Variants in MSX1 observed in about 807,000 individuals in gnomAD.
The protein encoded by MSX1 is msh homeobox 1, also known as homeobox protein MSX-1.
MSX1 carries 11 observed loss-of-function variants against 17.0 expected under a neutral mutation model. The observed-to-expected ratio is 0.65, with a 90% CI of 0.41 to 1.07. The LOEUF is 1.07. MSX1 is among the 50% of genes least tolerant of loss of function. The pLI, the probability that MSX1 is intolerant of heterozygous loss-of-function variation, is 0.00. For missense variants in MSX1, 477 were observed against 440.1 expected, an observed-to-expected ratio of 1.08 and a Z score of -0.75; for synonymous variants, 253 against 211.8, an observed-to-expected ratio of 1.19 and a Z score of -1.69.
chr4:4,861,985 G>C (rs1300730215), intron 1 of MSX1, among the ~76,000 whole-genome samples: 5 of 152,064 alleles, frequency 3.3e-5, no homozygotes, highest in Non-Finnish European at 1.5e-5. Flanking sequence ...AGAGGACTGA[G>C]ACAATCTAAA....
chr4:4,860,409 TGGGGGCCG>T (rs1560309653), intron 1 of MSX1, 41 bp downstream of exon 1: 2 of 144,674 alleles, frequency 1.4e-5, no homozygotes, highest in Non-Finnish European at 1.7e-5. Context: ...GGGGGCCGGG[TGGGGGCCG>T]GGTGGGGTGT....
chr4:4,862,053 G>A (rs1218263203), intron 1 of MSX1, among the ~76,000 whole-genome samples: 1 of 152,206 alleles, frequency 6.6e-6, no homozygotes, highest in Admixed American at 6.5e-5. Flanking sequence ...GACACTTTCT[G>A]TTTCTAAGAG....
At position 4,863,074 on chromosome 4, in the gene MSX1, C is replaced by A. The variant is rs371411459; in HGVS notation, c.843C>A (p.Ala281=). The A allele has an allele frequency of 1.2e-6, 2 of 1,608,292 alleles. No homozygotes were observed. The highest frequency in any genetic ancestry group is 2.7e-5 in the African/African-American group (2 of 74,710). Residue 281 remains alanine, a synonymous_variant, in exon 2 of 2, where the codon GCC becomes GCA. Coordinates refer to ENST00000382723, the MANE Select transcript of MSX1 (RefSeq NM_002448.3). ...LYGASGPFQR[A]ALPVAPVGLY... ...GTGCCTCTGGCCCCTTCCAGCGCGCCGCGCTGCCTGTGGCGCCCGTGGGAC... is the reference window on the plus strand; with the variant it reads ...GTGCCTCTGGCCCCTTCCAGCGCGCAGCGCTGCCTGTGGCGCCCGTGGGAC...
rs760914206 is a variant in MSX1 at position 4,862,806 on chromosome 4, G to A, written c.575G>A (p.Arg192His). 3 of 1,613,646 alleles carry A rather than the reference G, an allele frequency of 1.9e-6. No homozygotes were observed. Among genetic ancestry groups the A allele is most frequent in the South Asian group, 1.1e-5 (1 of 91,086 alleles). Residue 192 changes from arginine to histidine, a missense_variant, in exon 2 of 2, where the codon CGC becomes CAC. Arg to His is a conservative substitution (Grantham distance 29). Coordinates refer to ENST00000382723, the MANE Select transcript of MSX1 (RefSeq NM_002448.3). ...CTGCTGGCGCTGGAGCGCAAGTTCC[G>A]CCAGAAGCAGTACCTGTCCATCGCC... is the stretch of plus-strand genomic sequence containing the variant. ...AQLLALERKF[R>H]QKQYLSIAER...
Position 4,862,770 on chromosome 4 carries a change from C to G in MSX1, c.539C>G (p.Thr180Ser). 6.2e-7 allele frequency: 1 copy of G among 1,613,574 alleles called. No individual in the cohort carries two copies. Among genetic ancestry groups the G allele is most frequent in the Non-Finnish European group, 8.5e-7 (1 of 1,180,018 alleles). Reference sequence around the variant, plus strand: ...AACCGTAAGCCGCGGACGCCCTTCACCACCGCGCAGCTGCTGGCGCTGGAG... The same window carrying G: ...AACCGTAAGCCGCGGACGCCCTTCAGCACCGCGCAGCTGCTGGCGCTGGAG... The part of the protein sequence containing the change: ...KTNRKPRTPF[T>S]TAQLLALERK... The change falls in exon 2 of 2, where the codon ACC becomes AGC. Residue 180 changes from threonine (T) to serine (S), a missense_variant. This residue lies in a region of MSX1 where 355 missense variants were observed against 306.1 expected (regional missense o/e 1.16). Transcript: ENST00000382723.
chr4:4,862,718 G>T lies in MSX1; in HGVS notation c.487G>T (p.Ala163Ser), dbSNP rs528951725. The T allele has an allele frequency of 1.9e-6, 3 of 1,612,932 alleles. No individual in the cohort carries two copies. The highest frequency in any genetic ancestry group is 2.2e-5 in the South Asian group (2 of 91,082). The change falls in exon 2 of 2, where the codon GCC becomes TCC. Residue 163 changes from alanine (A) to serine (S), a missense_variant. Around this residue, in one of 3 missense-constraint regions of MSX1, gnomAD observed 355 missense variants for 306.1 expected, o/e 1.16. Transcript: ENST00000382723. ...PPPARRLSPPACTLRKHKTNR... is the reference protein window; with the variant it reads ...PPPARRLSPPSCTLRKHKTNR... ...GCCCTCAGGGCGGCTGAGCCCCCCA[G>T]CCTGCACCCTCCGCAAACACAAGAC...
Position 4,863,295 on chromosome 4 carries a change from C to T in MSX1, c.*152C>T. 1 of 824,760 alleles carries T rather than the reference C, an allele frequency of 1.2e-6. No individual in the cohort carries two copies. The highest frequency in any genetic ancestry group is 1.9e-6 in the Non-Finnish European group (1 of 523,138). The allele number at this position is 824,760 out of a possible 1,614,324, so 51.1% of individuals were successfully genotyped here. ...CCTCTTTGCTCCCTGAGTTCACTCT[C>T]CGAAGTCTGATCCCTGCCAAAAAGT... is the stretch of plus-strand genomic sequence containing the variant. On this transcript the variant is annotated 3_prime_UTR_variant, in exon 2 of 2. Coordinates refer to ENST00000382723, the MANE Select transcript of MSX1 (RefSeq NM_002448.3).
rs184700656 is a variant in MSX1, at chr4:4,863,048, G to C, written c.817G>C (p.Gly273Arg). 20 of 1,609,376 alleles carry C rather than the reference G, an allele frequency of 1.2e-5. No homozygotes were observed. Among genetic ancestry groups the C allele is most frequent in the Non-Finnish European group, 1.6e-5 (19 of 1,178,676 alleles). ...VAAAAGASLY[G>R]ASGPFQRAAL... ...GGCCGCGGCGGGTGCCTCGCTCTAC[G>C]GTGCCTCTGGCCCCTTCCAGCGCGC... Residue 273 changes from glycine to arginine, a missense_variant, in exon 2 of 2, where the codon GGT becomes CGT. Coordinates refer to ENST00000382723, the MANE Select transcript of MSX1 (RefSeq NM_002448.3).
In MSX1 at chr4:4,860,038, GAGGAGGGGGCCAAGCCCA is replaced by G. The variant is rs1737871023; in HGVS notation, c.141_158del (p.Glu48_Lys53del). On this transcript the variant is annotated inframe_deletion, in exon 1 of 2. Coordinates refer to ENST00000382723, the MANE Select transcript of MSX1 (RefSeq NM_002448.3). The stretch of plus-strand genomic sequence containing the variant: ...CACGGCAGCCGCCATGGGCGCGGAC[GAGGAGGGGGCCAAGCCCA>G]AAGTGTCCCCTTCGCTCCTGCCCTT... 6.6e-7 allele frequency: 1 copy of G among 1,509,706 alleles called. No homozygotes were observed. Among genetic ancestry groups the G allele is most frequent in the African/African-American group, 1.5e-5 (1 of 68,908 alleles). The allele number at this position is 1,509,706 out of a possible 1,614,324, so 93.5% of individuals were successfully genotyped here.
chr4:4,863,143 G>A lies in MSX1; in HGVS notation c.912G>A (p.Ter304=), dbSNP rs1040895372. 2.1e-5 allele frequency: 33 copies of A among 1,599,080 alleles called. No homozygotes were observed. The highest frequency in any genetic ancestry group is 2.7e-5 in the Non-Finnish European group (32 of 1,177,882). Residue 304 remains the stop codon, a stop_retained_variant, in exon 2 of 2, where the codon TAG becomes TAA. Transcript: ENST00000382723. The stretch of plus-strand genomic sequence containing the variant: ...GCTACAGCATGTACCACCTGACATA[G>A]AGGGTCCCAGGTCGCCCACCTGTGG... ...HVGYSMYHLT[*]
Position 4,860,023 on chromosome 4 carries a change from G to T in MSX1, c.124G>T (p.Ala42Ser). Reference protein sequence around the residue: ...APSAAAATAAAMGADEEGAKP... With the variant: ...APSAAAATAASMGADEEGAKP... ...CAGCGCCGCCGCGGCCACGGCAGCC[G>T]CCATGGGCGCGGACGAGGAGGGGGC... The change falls in exon 1 of 2, where the codon GCC (alanine) becomes TCC (serine). Residue 42 changes from alanine to serine, a missense_variant. By Grantham distance (99) the Ala-to-Ser change is moderately conservative. Transcript: ENST00000382723. 1.3e-6 allele frequency: 2 copies of T among 1,503,766 alleles called. No individual in the cohort carries two copies. Among genetic ancestry groups the T allele is most frequent in the Non-Finnish European group, 1.8e-6 (2 of 1,127,246 alleles). 93.2% of individuals were successfully genotyped at this position (1,503,766 alleles called of 1,614,324 possible).
intron 1 of MSX1, 117 bp downstream of exon 1, chr4:4,860,485 G>A: frequency 7.5e-7 from 1 of 1,328,932 alleles, no homozygotes; most frequent in Non-Finnish European, 1.0e-6. Context: ...CGGTGCTAGG[G>A]AGCCGTGGGC....
rs1560309150 is a variant in MSX1 at position 4,859,777 on chromosome 4, G to C, written c.-123G>C. 1.1e-5 allele frequency: 8 copies of C among 718,584 alleles called. No homozygotes were observed. Among genetic ancestry groups the C allele is most frequent in the Non-Finnish European group, 1.5e-5 (8 of 543,352 alleles). The allele number at this position is 718,584 out of a possible 1,614,324, so 44.5% of individuals were successfully genotyped here. On this transcript the variant is annotated 5_prime_UTR_variant, in exon 1 of 2. Transcript: ENST00000382723. ...TGCTGGGGAGGGGCGGGAGGCGCGC[G>C]CGGGAGGGTCCGCCCGGCCAGGGCC... is the stretch of plus-strand genomic sequence containing the variant.
intron 1 of MSX1, among the ~76,000 whole-genome samples, chr4:4,861,745 A>T (rs1032612374): frequency 3.3e-5 from 5 of 152,218 alleles, no homozygotes; most frequent in African/African-American, 1.2e-4. Flanking sequence ...CCCGACCTGC[A>T]CTAGTCCTGC....
Position 4,862,987 on chromosome 4 carries a change from C to CCT in MSX1, c.760_761dup (p.Phe255ProfsTer10). 6.2e-7 allele frequency: 1 copy of CCT among 1,612,736 alleles called. No individual in the cohort carries two copies. The highest frequency in any genetic ancestry group is 8.5e-7 in the Non-Finnish European group (1 of 1,179,880). ...CCATGCTGCCACCGGCTGCCTTCGG[C>CCT]CTCTCCTTCCCTCTCGGCGGCCCCG... is the stretch of plus-strand genomic sequence containing the variant. On this transcript the variant is annotated frameshift_variant, in exon 2 of 2. Transcript: ENST00000382723. LOFTEE classifies it high-confidence loss of function.
intron 1 of MSX1, 113 bp from the exon 2 acceptor site, chr4:4,862,588 C>T: frequency 7.8e-7 from 1 of 1,287,414 alleles, no homozygotes. Context: ...CACCGAGGCA[C>T]TTGGCGGCAC....
Position 4,860,240 on chromosome 4 carries a change from C to A in MSX1, c.341C>A (p.Pro114Gln), listed in dbSNP as rs1737880987. 11 of 1,581,780 alleles carry A rather than the reference C, an allele frequency of 7.0e-6. No homozygotes were observed. The highest frequency in any genetic ancestry group is 8.5e-6 in the Non-Finnish European group (10 of 1,172,150). ...GAPDAPSSPRPLGHFSVGGLL... is the reference protein window; with the variant it reads ...GAPDAPSSPRQLGHFSVGGLL... ...CCGGACGCGCCCTCTTCGCCGCGGC[C>A]GCTCGGCCATTTCTCGGTGGGGGGA... Residue 114 changes from proline (P) to glutamine (Q), a missense_variant, in exon 1 of 2, where the codon CCG becomes CAG. By Grantham distance (76) the Pro-to-Gln change is moderately conservative. This residue lies in a region of MSX1 where 355 missense variants were observed against 306.1 expected (regional missense o/e 1.16). Transcript: ENST00000382723.
Position 4,862,908 on chromosome 4 carries a change from AG to A in MSX1, c.679del (p.Ala227GlnfsTer12). On this transcript the variant is annotated frameshift_variant, in exon 2 of 2. Coordinates refer to ENST00000382723, the MANE Select transcript of MSX1 (RefSeq NM_002448.3). LOFTEE classifies it high-confidence loss of function. ...VKIWFQNRRA[K>X]AKRLQEAELE... ...ATATGGTTCCAGAACCGCCGCGCCA[AG>A]GCAAAGAGACTACAAGAGGCAGAGC... The A allele has an allele frequency of 6.2e-7, 1 of 1,613,600 alleles. No individual in the cohort carries two copies. Among genetic ancestry groups the A allele is most frequent in the South Asian group, 1.1e-5 (1 of 91,086 alleles).
intron 1 of MSX1, among the ~76,000 whole-genome samples, chr4:4,861,370 G>A (rs1013529283): frequency 6.6e-6 from 1 of 152,242 alleles, no homozygotes; most frequent in Non-Finnish European, 1.5e-5. Flanking sequence ...AGCGCTTCCC[G>A]GACTCCCGGT....
Sources: gnomAD v4.1 joint callset for allele counts (sites outside exome capture counted in the v4.1 genomes callset) on GRCh38, gnomAD v4.1.1 for gene constraint, gnomAD v4.1.1 regional missense constraint, MANE v1.5 for transcripts, NCBI Gene and HGNC (gene_info 2026-07-23, HGNC 2026-07-21) for gene names.